Variants in AGBL4 observed in about 807,000 individuals in gnomAD.
AGBL4 encodes the protein AGBL carboxypeptidase 4.
In AGBL4, 58 loss-of-function variants were observed where a neutral mutation model predicts 66.4. The ratio of observed to expected loss-of-function variants is 0.87; its 90% CI spans 0.71 to 1.09. The LOEUF (loss-of-function observed/expected upper bound fraction) is 1.09, where lower values mean the gene tolerates loss of function less well. AGBL4 is among the 50% of genes least tolerant of loss of function. The pLI, the probability that AGBL4 is intolerant of heterozygous loss-of-function variation, is 0.00. For synonymous variants in AGBL4, 234 were observed against 222.9 expected (o/e 1.05, Z -0.44); for missense variants, 579 against 631.0 (o/e 0.92, Z 0.88).
intron 1 of AGBL4, among the ~76,000 whole-genome samples, chr1:49,871,910 C>G (rs1252308599): frequency 2.6e-5 from 4 of 152,062 alleles, no homozygotes; most frequent in South Asian, 4.1e-4. Flanking sequence ...TTATAATCAG[C>G]TCTAGAAATC....
intron 3 of AGBL4, among the ~76,000 whole-genome samples, chr1:49,519,546 T>G (rs1342964835): frequency 6.6e-6 from 1 of 152,056 alleles, no homozygotes; most frequent in Non-Finnish European, 1.5e-5. Flanking sequence ...AGACTAGAAA[T>G]GAGAAAATAT....
At chr1:49,136,928 G>A (rs1646023520) in intron 4 of AGBL4, among the ~76,000 whole-genome samples, 1 of 152,056 alleles carries the variant, frequency 6.6e-6, no homozygotes, top group African/African-American at 2.4e-5. Context: ...GTTCACAGCA[G>A]GTTAAAACTG....
intron 6 of AGBL4, among the ~76,000 whole-genome samples, chr1:48,750,200 A>G (rs1209955124): frequency 2.0e-5 from 3 of 152,190 alleles, no homozygotes; most frequent in African/African-American, 7.2e-5. Flanking sequence ...ATAGCAACTC[A>G]GGAGTTGAAG....
chr1:48,832,026 A>G (rs759199887), intron 6 of AGBL4, among the ~76,000 whole-genome samples: 6 of 152,224 alleles, frequency 3.9e-5, no homozygotes, highest in African/African-American at 7.2e-5. Flanking sequence ...CCCTGAGGGT[A>G]CTTTTTAATT....
chr1:49,315,162 A>G (rs1045866649), intron 3 of AGBL4, among the ~76,000 whole-genome samples: 5 of 152,192 alleles, frequency 3.3e-5, no homozygotes, highest in African/African-American at 1.2e-4. Flanking sequence ...CCTATTTAAT[A>G]AATGGTGTTG....
chr1:49,408,561 A>C (rs1645251901), intron 3 of AGBL4, among the ~76,000 whole-genome samples: 1 of 152,218 alleles, frequency 6.6e-6, no homozygotes, highest in Non-Finnish European at 1.5e-5. Flanking sequence ...TCATCTAATC[A>C]GCTGCCAGTA....
At chr1:49,313,946 C>T (rs1398777047) in intron 3 of AGBL4, among the ~76,000 whole-genome samples, 3 of 152,126 alleles carry the variant, frequency 2.0e-5, no homozygotes, top group Non-Finnish European at 4.4e-5. Flanking sequence ...TTTGCCCATG[C>T]CTATGTCCTG....
rs1174145702 is a variant in AGBL4 at position 50,023,821 on chromosome 1, C to G, written c.-25G>C. 2 of 1,547,818 alleles carry G rather than the reference C, an allele frequency of 1.3e-6. No individual in the cohort carries two copies. The highest frequency in any genetic ancestry group is 1.7e-6 in the Non-Finnish European group (2 of 1,145,424). On this transcript the variant is annotated 5_prime_UTR_variant, in exon 1 of 14. Coordinates refer to ENST00000371839, the MANE Select transcript of AGBL4 (RefSeq NM_032785.4). ...TTTTTGTTGTCCCTCAGTCTCCGAG[C>G]TCACGCGAAGACCGCGGGGCAGTAG...
chr1:49,972,660 C>T (rs992659353), intron 1 of AGBL4, among the ~76,000 whole-genome samples: 1 of 152,162 alleles, frequency 6.6e-6, no homozygotes, highest in Non-Finnish European at 1.5e-5. Flanking sequence ...GAGAAAGAGA[C>T]AACACTCATA....
At position 48,972,321 on chromosome 1, in the gene AGBL4, G is replaced by GAA. The variant is rs1253406021; in HGVS notation, c.594+73261_594+73262dup. Among the ~76,000 whole-genome samples the GAA allele has an allele frequency of 2.0e-5, 3 of 152,068 alleles. No homozygotes were observed. In the East Asian group the frequency reaches 5.8e-4, roughly 29 times the overall value. ...ATACAGTAATTATAAGTAATATTGT[G>GAA]AAATAATATGAGGTGTGAAATAGTC... On this transcript the variant is annotated intron_variant, in intron 5 of 13. Transcript: ENST00000371839.
intron 4 of AGBL4, among the ~76,000 whole-genome samples, chr1:49,057,264 A>T (rs1644324409): frequency 6.6e-6 from 1 of 152,104 alleles, no homozygotes; most frequent in Non-Finnish European, 1.5e-5. Flanking sequence ...AGAAAAATAT[A>T]AAAGTTAGCC....
chr1:49,478,466 T>G (rs1646889386), intron 3 of AGBL4, among the ~76,000 whole-genome samples: 1 of 151,916 alleles, frequency 6.6e-6, no homozygotes, highest in East Asian at 1.9e-4. Context: ...GGGAACAAAC[T>G]TTTACCCTAG....
intron 3 of AGBL4, among the ~76,000 whole-genome samples, chr1:49,661,492 C>T (rs548016053): frequency 1.3e-5 from 2 of 152,248 alleles, no homozygotes; most frequent in African/African-American, 4.8e-5. Context: ...CCTTCTCTCG[C>T]TCTTGCACCC....
chr1:49,796,997 T>C (rs1644745624), intron 2 of AGBL4, among the ~76,000 whole-genome samples: 1 of 152,156 alleles, frequency 6.6e-6, no homozygotes, highest in African/African-American at 2.4e-5. Context: ...TATAATAAAA[T>C]ATCTAAATAT....
Position 49,866,769 on chromosome 1 carries a change from T to TA in AGBL4, c.35-15252dup, listed in dbSNP as rs780231664. Reference sequence around the variant, plus strand: ...ACAAGTTTGAAACTCCATCTTAAATTAAAAAAAAGACTTTCCAACCAAGAA... The same window carrying TA: ...ACAAGTTTGAAACTCCATCTTAAATTAAAAAAAAAGACTTTCCAACCAAGAA... On this transcript the variant is annotated intron_variant, in intron 1 of 13. Coordinates refer to ENST00000371839, the MANE Select transcript of AGBL4 (RefSeq NM_032785.4). 6.4e-4 allele frequency among the ~76,000 whole-genome samples: 97 copies of TA among 150,810 alleles called. 2 individuals carry two copies. In the Middle Eastern group the frequency reaches 0.027, roughly 43 times the overall value.
chr1:48,650,448 T>TCCTC (rs1645909367), intron 8 of AGBL4, among the ~76,000 whole-genome samples: 1 of 36,094 alleles, frequency 2.8e-5, no homozygotes, highest in African/African-American at 6.9e-5. Flanking sequence ...GAACCAACCT[T>TCCTC]CCTTCCTTCC....
chr1:48,679,503 C>T (rs1171145861), intron 6 of AGBL4, among the ~76,000 whole-genome samples: 2 of 149,412 alleles, frequency 1.3e-5, no homozygotes, highest in African/African-American at 5.2e-5. Context: ...CCTGCCTTAT[C>T]TATCCTCTCC....
chr1:49,378,948 A>G (rs888249691), intron 3 of AGBL4, among the ~76,000 whole-genome samples: 3 of 152,022 alleles, frequency 2.0e-5, no homozygotes, highest in African/African-American at 7.2e-5. Flanking sequence ...TTTTTTTTAA[A>G]AGGAAGGTAT....
At chr1:48,656,343 GATTGCT>G (rs922465709) in intron 7 of AGBL4, among the ~76,000 whole-genome samples, 5 of 152,246 alleles carry the variant, frequency 3.3e-5, no homozygotes, top group Admixed American at 6.5e-5. Context: ...CCTATTGATG[GATTGCT>G]CCAGGAATTC....
Sources: gnomAD v4.1 joint callset for allele counts (sites outside exome capture counted in the v4.1 genomes callset) on GRCh38, gnomAD v4.1.1 for gene constraint, MANE v1.5 for transcripts, NCBI Gene and HGNC (gene_info 2026-07-23, HGNC 2026-07-21) for gene names.